The following ATR variants were observed in gnomAD, a reference collection of about 807,000 sequenced individuals.
ATR encodes serine/threonine-protein kinase ATR.
A neutral mutation model predicts 305.3 loss-of-function variants in ATR; 142 were observed. The observed-to-expected ratio is 0.47, with a 90% CI of 0.41 to 0.53. The LOEUF (loss-of-function observed/expected upper bound fraction) is 0.53. ATR is among the 20% of genes least tolerant of loss of function. ATR has a pLI of 0.00. For missense variants in ATR, 2,135 were observed against 3,133.1 expected (o/e 0.68, Z 7.60); for synonymous variants, 1,050 against 1,068.1 (o/e 0.98, Z 0.33).
chr3:142,492,607 G>A (rs916112752), intron 35 of ATR, among the ~76,000 whole-genome samples: 12 of 151,746 alleles, frequency 7.9e-5, no homozygotes, highest in East Asian at 1.9e-4. Context: ...TACTTAACTC[G>A]TTAATTTTGA....
chr3:142,526,943 C>T (rs1418247817), intron 21 of ATR, among the ~76,000 whole-genome samples: 2 of 151,986 alleles, frequency 1.3e-5, no homozygotes, highest in East Asian at 3.9e-4. Context: ...CATGTGCCAC[C>T]ATGCCTGGCT....
rs535650629 is a variant in ATR at position 142,462,180 on chromosome 3, A to G, written c.7042-90T>C. On this transcript the variant is annotated intron_variant, in intron 41 of 46. Transcript: ENST00000350721. Reference sequence around the variant, plus strand: ...AATATATTTAAAGATTGTTCATTTCATAACCAAAGAATGTCATTGAAGGCT... The same window carrying G: ...AATATATTTAAAGATTGTTCATTTCGTAACCAAAGAATGTCATTGAAGGCT... 1.7e-4 allele frequency: 217 copies of G among 1,310,832 alleles called. 1 individual carries two copies. The highest frequency in any genetic ancestry group is 9.5e-4 in the South Asian group (75 of 78,688). 81.2% of individuals were successfully genotyped at this position (1,310,832 alleles called of 1,614,324 possible).
At position 142,482,056 on chromosome 3, in the gene ATR, G is replaced by T. The variant is rs140580758; in HGVS notation, c.6221+3084C>A. Among the ~76,000 whole-genome samples the T allele has an allele frequency of 2.4e-4, 36 of 152,096 alleles. No homozygotes were observed. In the East Asian group the frequency reaches 6.2e-3, roughly 26 times the overall value. ...GCTCTGGCTGGTTTTGAACTCATGG[G>T]CTCAAGCAATCTGCCTGCCTCAGCC... is the stretch of plus-strand genomic sequence containing the variant. On this transcript the variant is annotated intron_variant, in intron 36 of 46. Transcript: ENST00000350721.
chr3:142,509,816 C>T (rs28445356), intron 27 of ATR, among the ~76,000 whole-genome samples: 4 of 151,800 alleles, frequency 2.6e-5, no homozygotes, highest in African/African-American at 7.3e-5. Flanking sequence ...AAATGTTATT[C>T]TTAAAAGCTA....
intron 21 of ATR, among the ~76,000 whole-genome samples, chr3:142,528,871 A>ATTTTTTTT: frequency 1.8e-5 from 1 of 56,580 alleles, no homozygotes; most frequent in Non-Finnish European, 3.1e-5. Context: ...ATATATATAT[A>ATTTTTTTT]TATATATATT....
intron 35 of ATR, among the ~76,000 whole-genome samples, chr3:142,487,449 T>C (rs1370333574): frequency 6.6e-6 from 1 of 152,230 alleles, no homozygotes; most frequent in Non-Finnish European, 1.5e-5. Flanking sequence ...ACGTGTATTA[T>C]ATTTTTTATC....
intron 8 of ATR, among the ~76,000 whole-genome samples, chr3:142,557,561 A>G (rs1002281145): frequency 8.1e-4 from 123 of 152,196 alleles, no homozygotes; most frequent in African/African-American, 2.8e-3. Context: ...AAAGTAATAG[A>G]ACATTCAACA....
Position 142,563,052 on chromosome 3 carries a change from T to A in ATR, c.350A>T (p.His117Leu). Residue 117 changes from histidine to leucine, a missense_variant, in exon 4 of 47, where the codon CAT (histidine) becomes CTT (leucine). This residue lies in a region of ATR where 744 missense variants were observed against 873.2 expected (regional missense o/e 0.85). Transcript: ENST00000350721. Reference sequence around the variant, plus strand: ...TTCACAGATTTTCTTGTGTAACAAATGACAGGAGGGAGTTGCTGCAATCCG... The same window carrying A: ...TTCACAGATTTTCTTGTGTAACAAAAGACAGGAGGGAGTTGCTGCAATCCG... ...LLRIAATPSC[H>L]LLHKKICEVI... 6.2e-7 allele frequency: 1 copy of A among 1,601,108 alleles called. No homozygotes were observed. The highest frequency in any genetic ancestry group is 8.5e-7 in the Non-Finnish European group (1 of 1,176,426).
At chr3:142,472,599 C>T (rs2071314018) in intron 36 of ATR, among the ~76,000 whole-genome samples, 1 of 151,714 alleles carries the variant, frequency 6.6e-6, no homozygotes, top group Non-Finnish European at 1.5e-5. Context: ...GACCCTTTTC[C>T]CATTTTTTTT....
intron 36 of ATR, among the ~76,000 whole-genome samples, chr3:142,476,980 T>A (rs2029883522): frequency 6.6e-6 from 1 of 152,230 alleles, no homozygotes; most frequent in African/African-American, 2.4e-5. Flanking sequence ...CTTATCAGCT[T>A]AAAGAAATTT....
intron 46 of ATR, chr3:142,452,056 G>GATT: frequency 9.8e-7 from 1 of 1,023,982 alleles, no homozygotes; most frequent in Non-Finnish European, 1.2e-6. Context: ...TACAGATGAA[G>GATT]ATAATAGAGC....
At chr3:142,459,411 C>T in intron 42 of ATR, 28 bp from the exon 43 acceptor site, 2 of 1,612,578 alleles carry the variant, frequency 1.2e-6, no homozygotes, top group African/African-American at 2.7e-5. Context: ...ATCCATTAAT[C>T]ACATCAGCCA....
Position 142,558,728 on chromosome 3 carries a change from A to G in ATR, c.1781T>C (p.Leu594Pro), listed in dbSNP as rs769301203. ...DHILEDLCGM[L>P]SLPWIYSHSD... Reference sequence around the variant, plus strand: ...ATGGGAATAAATCCATGGAAGTGAGAGCATACCACATAAATCTTCCAGGAT... The same window carrying G: ...ATGGGAATAAATCCATGGAAGTGAGGGCATACCACATAAATCTTCCAGGAT... The change falls in exon 8 of 47, where the codon CTC becomes CCC. Residue 594 changes from leucine to proline, a missense_variant. Transcript: ENST00000350721. 1 of 1,612,436 alleles carries G rather than the reference A, an allele frequency of 6.2e-7. No individual in the cohort carries two copies. Among genetic ancestry groups the G allele is most frequent in the South Asian group, 1.1e-5 (1 of 91,012 alleles).
chr3:142,472,110 T>C (rs1374088518), intron 36 of ATR: 2 of 152,038 alleles, frequency 1.3e-5, no homozygotes, highest in Non-Finnish European at 2.9e-5. Flanking sequence ...TGTGTGTGTG[T>C]GTGTGTGTGT....
rs187398015 is a variant in ATR, at chr3:142,512,109, A to G, written c.4852+151T>C. On this transcript the variant is annotated intron_variant, in intron 27 of 46. Coordinates refer to ENST00000350721, the MANE Select transcript of ATR (RefSeq NM_001184.4). The stretch of plus-strand genomic sequence containing the variant: ...CTCCAGCCTGGGCAACAAGAGGGAA[A>G]CTCCATCTCCAAACAACAACAACAA... The G allele has an allele frequency of 4.0e-6, 3 of 743,544 alleles. No homozygotes were observed. In the African/African-American group the frequency reaches 5.3e-5, roughly 13 times the overall value. 46.1% of individuals were successfully genotyped at this position (743,544 alleles called of 1,614,324 possible).
rs1032940764 is a variant in ATR at position 142,505,430 on chromosome 3, G to A, written c.5032-127C>T. On this transcript the variant is annotated intron_variant, in intron 28 of 46. Coordinates refer to ENST00000350721, the MANE Select transcript of ATR (RefSeq NM_001184.4). ...AAATTTTTCCTCAAAGTAATAGTAAGCATTTGTTTCATGGCAAAGTCACAG... is the reference window on the plus strand; with the variant it reads ...AAATTTTTCCTCAAAGTAATAGTAAACATTTGTTTCATGGCAAAGTCACAG... The A allele has an allele frequency of 3.6e-6, 4 of 1,126,248 alleles. No individual in the cohort carries two copies. In the African/African-American group the frequency reaches 6.3e-5, roughly 18 times the overall value. The allele number at this position is 1,126,248 out of a possible 1,614,324, so 69.8% of individuals were successfully genotyped here.
At chr3:142,491,894 A>T (rs954500598) in intron 35 of ATR, among the ~76,000 whole-genome samples, 3 of 152,094 alleles carry the variant, frequency 2.0e-5, no homozygotes, top group Admixed American at 1.3e-4. Flanking sequence ...GCCTATATAC[A>T]ATAGCTGTTT....
In ATR at chr3:142,558,623, C is replaced by T; in HGVS notation, c.1885+1G>A. On this transcript the variant is annotated splice_donor_variant, in intron 8 of 46. Transcript: ENST00000350721. LOFTEE classifies it high-confidence loss of function. ...ACACACACATTCTTGTGAGCACTTA[C>T]AATAGCTATCTGAAATCCTACAGCT... 1 of 1,610,838 alleles carries T rather than the reference C, an allele frequency of 6.2e-7. No individual in the cohort carries two copies. Among genetic ancestry groups the T allele is most frequent in the Non-Finnish European group, 8.5e-7 (1 of 1,178,086 alleles).
intron 36 of ATR, among the ~76,000 whole-genome samples, chr3:142,481,428 T>C (rs558758407): frequency 1.3e-5 from 2 of 152,220 alleles, no homozygotes; most frequent in African/African-American, 2.4e-5. Flanking sequence ...ATGATCCTTT[T>C]AATGTGCTGT....
Sources: gnomAD v4.1 joint callset for allele counts (sites outside exome capture counted in the v4.1 genomes callset) on GRCh38, gnomAD v4.1.1 for gene constraint, gnomAD v4.1.1 regional missense constraint, MANE v1.5 for transcripts, NCBI Gene and HGNC (gene_info 2026-07-23, HGNC 2026-07-21) for gene names.